Variants in FSTL5 observed in about 807,000 individuals in gnomAD.
The protein encoded by FSTL5 is follistatin like 5.
A neutral mutation model predicts 89.1 loss-of-function variants in FSTL5; 62 were observed. The observed-to-expected ratio is 0.70, with a 90% CI of 0.57 to 0.86. The LOEUF is 0.86. Ranked by LOEUF, FSTL5 falls within the 40% of genes least tolerant of loss-of-function variation. FSTL5 has a pLI of 0.00. For synonymous variants in FSTL5, 383 were observed against 346.2 expected (o/e 1.11, Z -1.18); for missense variants, 1,057 against 1,001.6 (o/e 1.06, Z -0.75).
chr4:161,702,957 G>A (rs1560798657), intron 6 of FSTL5, among the ~76,000 whole-genome samples: 2 of 152,050 alleles, frequency 1.3e-5, no homozygotes, highest in African/African-American at 2.4e-5. Flanking sequence ...GGGTAATTAA[G>A]TTGAAATGAG....
rs182754323 is a variant in FSTL5, at chr4:161,657,013, T to C, written c.728-519A>G. On this transcript the variant is annotated intron_variant, in intron 6 of 15. Transcript: ENST00000306100. Reference sequence around the variant, plus strand: ...GTTCGCTGACCAAACAGCAATTAAGTAAAATTCCATCAGCTGTCTTTACCA... The same window carrying C: ...GTTCGCTGACCAAACAGCAATTAAGCAAAATTCCATCAGCTGTCTTTACCA... Among the ~76,000 whole-genome samples the C allele has an allele frequency of 5.3e-5, 8 of 152,310 alleles. No individual in the cohort carries two copies. The East Asian group carries it at 1.2e-3, about 22-fold the overall frequency.
chr4:161,622,585 G>A (rs771600674), intron 7 of FSTL5, among the ~76,000 whole-genome samples: 1 of 151,874 alleles, frequency 6.6e-6, no homozygotes, highest in Non-Finnish European at 1.5e-5. Context: ...ACCAAGTGGA[G>A]TTACCATTGG....
chr4:161,492,173 G>A (rs146851086), intron 12 of FSTL5, among the ~76,000 whole-genome samples: 103 of 152,108 alleles, frequency 6.8e-4, no homozygotes, highest in African/African-American at 2.4e-3. Context: ...GTCTACAAGG[G>A]CAACCATTAC....
At chr4:162,068,641 C>G (rs201875146) in intron 2 of FSTL5, among the ~76,000 whole-genome samples, 1 of 151,936 alleles carries the variant, frequency 6.6e-6, no homozygotes, top group East Asian at 1.9e-4. Context: ...TAGGCACAGG[C>G]AAAGATATCA....
chr4:161,757,620 TA>T (rs1316168861), intron 6 of FSTL5, among the ~76,000 whole-genome samples: 5 of 152,270 alleles, frequency 3.3e-5, no homozygotes, highest in South Asian at 2.1e-4. Context: ...GTGTTCTTTT[TA>T]TTTTTTTATT....
intron 6 of FSTL5, among the ~76,000 whole-genome samples, chr4:161,709,415 G>C (rs764682541): frequency 3.7e-4 from 56 of 152,014 alleles, no homozygotes; most frequent in African/African-American, 1.2e-3. Context: ...TTCTTCTCAT[G>C]AGATATTCAT....
At chr4:162,127,906 T>C (rs959965069) in intron 1 of FSTL5, among the ~76,000 whole-genome samples, 1 of 152,158 alleles carries the variant, frequency 6.6e-6, no homozygotes, top group African/African-American at 2.4e-5. Context: ...ACACAGCCTA[T>C]AAGTAATTCA....
chr4:162,045,922 A>G (rs1236520970), intron 2 of FSTL5, among the ~76,000 whole-genome samples: 1 of 150,824 alleles, frequency 6.6e-6, no homozygotes, highest in African/African-American at 2.4e-5. Context: ...ATTTTACAAT[A>G]TTTTACGAGT....
chr4:161,674,574 G>A (rs1382313701), intron 6 of FSTL5, among the ~76,000 whole-genome samples: 3 of 152,126 alleles, frequency 2.0e-5, no homozygotes, highest in South Asian at 2.1e-4. Context: ...GTATATCAAC[G>A]TATTTTGGAT....
intron 1 of FSTL5, among the ~76,000 whole-genome samples, chr4:162,129,608 T>A (rs1732219189): frequency 6.6e-6 from 1 of 152,120 alleles, no homozygotes; most frequent in Non-Finnish European, 1.5e-5. Flanking sequence ...CTTTCCAAAA[T>A]AGTCACCAAA....
chr4:161,994,892 T>C (rs1736243295), intron 3 of FSTL5, among the ~76,000 whole-genome samples: 1 of 152,226 alleles, frequency 6.6e-6, no homozygotes, highest in Non-Finnish European at 1.5e-5. Context: ...TTTAATTAGA[T>C]CCCATTTGTC....
At chr4:161,409,071 GATACT>G (rs1316333047) in intron 15 of FSTL5, among the ~76,000 whole-genome samples, 1 of 152,038 alleles carries the variant, frequency 6.6e-6, no homozygotes, top group Non-Finnish European at 1.5e-5. Context: ...ATCCTAAACA[GATACT>G]ATACAAGATG....
chr4:161,989,141 C>G (rs1187981843), intron 3 of FSTL5, among the ~76,000 whole-genome samples: 1 of 152,142 alleles, frequency 6.6e-6, no homozygotes, highest in Non-Finnish European at 1.5e-5. Flanking sequence ...AGGGCAGTCT[C>G]TGCCAGAACA....
At chr4:161,433,327 G>A (rs992538661) in intron 15 of FSTL5, among the ~76,000 whole-genome samples, 3 of 152,012 alleles carry the variant, frequency 2.0e-5, no homozygotes, top group Non-Finnish European at 2.9e-5. Context: ...TGTAATTGAT[G>A]CTGAAAAAGC....
At chr4:161,870,886 G>A (rs1732241511) in intron 4 of FSTL5, among the ~76,000 whole-genome samples, 1 of 152,026 alleles carries the variant, frequency 6.6e-6, no homozygotes, top group Non-Finnish European at 1.5e-5. Context: ...AAACCCAAAA[G>A]GAATGACAGG....
At chr4:162,049,625 T>C (rs1400340032) in intron 2 of FSTL5, among the ~76,000 whole-genome samples, 1 of 152,086 alleles carries the variant, frequency 6.6e-6, no homozygotes, top group Non-Finnish European at 1.5e-5. Flanking sequence ...AAGTTAGGAT[T>C]AACAAGGAAC....
intron 15 of FSTL5, among the ~76,000 whole-genome samples, chr4:161,442,114 GC>G (rs1430110973): frequency 6.7e-6 from 1 of 149,740 alleles, no homozygotes; most frequent in African/African-American, 2.5e-5. Context: ...TCAAGTATTT[GC>G]TTTGCTTTGC....
intron 2 of FSTL5, among the ~76,000 whole-genome samples, chr4:162,055,607 T>A (rs905417877): frequency 6.6e-6 from 1 of 151,806 alleles, no homozygotes; most frequent in African/African-American, 2.4e-5. Context: ...TAATTCTCCT[T>A]AAATCCAACT....
intron 3 of FSTL5, among the ~76,000 whole-genome samples, chr4:161,992,944 G>A (rs547793545): frequency 0.29 from 1,506 of 5,200 alleles, 48 homozygotes; most frequent in Non-Finnish European, 0.44. Flanking sequence ...ATATATATGT[G>A]TGTATATCTA....
Sources: gnomAD v4.1 joint callset for allele counts (sites outside exome capture counted in the v4.1 genomes callset) on GRCh38, gnomAD v4.1.1 for gene constraint, MANE v1.5 for transcripts, NCBI Gene and HGNC (gene_info 2026-07-23, HGNC 2026-07-21) for gene names.